Variants in GOLPH3L observed in about 807,000 individuals in gnomAD.
GOLPH3L encodes golgi phosphoprotein 3 like.
In GOLPH3L, 22 loss-of-function variants were observed where a neutral mutation model predicts 30.3. That is an observed-to-expected ratio of 0.73 (90% CI 0.52 to 1.04). The LOEUF is 1.04. Ranked by LOEUF, GOLPH3L falls within the 50% of genes least tolerant of loss-of-function variation. The pLI is 0.00. For missense variants in GOLPH3L, 303 were observed against 345.8 expected (o/e 0.88, Z 0.98); for synonymous variants, 120 against 128.2 (o/e 0.94, Z 0.43).
chr1:150,649,197 C>G (rs1313935488), intron 4 of GOLPH3L, among the ~76,000 whole-genome samples: 3 of 152,180 alleles, frequency 2.0e-5, no homozygotes, highest in Non-Finnish European at 4.4e-5. Context: ...TTCAATTGCT[C>G]CCATTCCAGC....
At chr1:150,650,503 G>T (rs1259584917) in intron 4 of GOLPH3L, among the ~76,000 whole-genome samples, 1 of 152,192 alleles carries the variant, frequency 6.6e-6, no homozygotes, top group Admixed American at 6.6e-5. Flanking sequence ...TAGGAACCCG[G>T]CTGCACAGCA....
chr1:150,694,812 A>G lies in GOLPH3L; in HGVS notation c.27T>C (p.Arg9=). The G allele has an allele frequency of 6.2e-7, 1 of 1,612,256 alleles. No homozygotes were observed. Among genetic ancestry groups the G allele is most frequent in the Non-Finnish European group, 8.5e-7 (1 of 1,179,158 alleles). Residue 9 remains arginine (R), a synonymous_variant, in exon 2 of 5, where the codon CGT becomes CGC. Transcript: ENST00000271732. ...CAGAGTTCTTGCTTATTTCAGTGCG[A>G]CGGGCCCGGTGAGTTAAAGTGGTCA... MTTLTHRA[R]RTEISKNSEK... is the part of the protein sequence containing the mutation.
At chr1:150,675,573 A>G (rs1650755817) in intron 2 of GOLPH3L, among the ~76,000 whole-genome samples, 1 of 151,866 alleles carries the variant, frequency 6.6e-6, no homozygotes, top group African/African-American at 2.4e-5. Flanking sequence ...TCAACAAAAT[A>G]TTACCAGCCT....
intron 3 of GOLPH3L, among the ~76,000 whole-genome samples, 200 bp from the exon 4 acceptor site, chr1:150,662,128 T>C (rs905117739): frequency 1.3e-5 from 2 of 152,052 alleles, no homozygotes; most frequent in Non-Finnish European, 2.9e-5. Flanking sequence ...AAGTGGGCCC[T>C]AGTGACAAAC....
intron 4 of GOLPH3L, among the ~76,000 whole-genome samples, chr1:150,657,858 T>TTGTATCATTAACTGAATAA: frequency 6.6e-6 from 1 of 152,320 alleles, no homozygotes; most frequent in East Asian, 1.9e-4. Flanking sequence ...CAACTGAATC[T>TTGTATCATTAACTGAATAA]AGCATCATTA....
intron 2 of GOLPH3L, among the ~76,000 whole-genome samples, chr1:150,678,174 C>T (rs1260144869): frequency 1.3e-5 from 2 of 149,530 alleles, no homozygotes; most frequent in African/African-American, 4.9e-5. Flanking sequence ...TGGCACATAC[C>T]TGTAATCCCA....
In GOLPH3L at chr1:150,694,699, G is replaced by T; in HGVS notation, c.140C>A (p.Thr47Asn). 1 of 1,610,838 alleles carries T rather than the reference G, an allele frequency of 6.2e-7. No individual in the cohort carries two copies. Among genetic ancestry groups the T allele is most frequent in the East Asian group, 2.2e-5 (1 of 44,834 alleles). The change falls in exon 2 of 5, where the codon ACT becomes AAT. Residue 47 changes from threonine (T) to asparagine (N), a missense_variant. By Grantham distance (65) the Thr-to-Asn change is moderately conservative. Transcript: ENST00000271732. ...DSGDSKDIRL[T>N]LMEEVLLLGL... ...CAGAAGCAATACTTCTTCCATAAGA[G>T]TAAGGCGGATATCCTTAGAGTCTCC...
chr1:150,653,349 G>T (rs1264203560), intron 4 of GOLPH3L, among the ~76,000 whole-genome samples: 2 of 146,632 alleles, frequency 1.4e-5, no homozygotes, highest in African/African-American at 5.0e-5. Context: ...TGGCTGGAGT[G>T]CAATGGCATG....
rs767040946 is a variant in GOLPH3L at position 150,694,715 on chromosome 1, TAG to T, written c.122_123del (p.Ser41Ter). 6.2e-7 allele frequency: 1 copy of T among 1,611,704 alleles called. No homozygotes were observed. The highest frequency in any genetic ancestry group is 8.5e-7 in the Non-Finnish European group (1 of 1,177,856). ...TCCATAAGAGTAAGGCGGATATCCT[TAG>T]AGTCTCCAGAATCTTCATTGTCTGG... ...KSPDNEDSGDSKDIRLTLMEE... is the reference protein window; with the variant it reads ...KSPDNEDSGDXKDIRLTLMEE... On this transcript the variant is annotated frameshift_variant, in exon 2 of 5. Transcript: ENST00000271732. LOFTEE classifies it high-confidence loss of function.
intron 2 of GOLPH3L, among the ~76,000 whole-genome samples, chr1:150,667,960 C>A (rs1650548374): frequency 1.3e-5 from 2 of 152,086 alleles, no homozygotes; most frequent in Non-Finnish European, 2.9e-5. Flanking sequence ...TGAAAAGAAC[C>A]AATATTCTTC....
Position 150,648,278 on chromosome 1 carries a change from G to A in GOLPH3L, c.*43C>T. On this transcript the variant is annotated 3_prime_UTR_variant, in exon 5 of 5. Transcript: ENST00000271732. ...AAACTCAGTGATGGGGTCTCTGACA[G>A]TCACCAGCCAGCAGGGGAAAAGGAG... 7.2e-7 allele frequency: 1 copy of A among 1,385,492 alleles called. No homozygotes were observed. Among genetic ancestry groups the A allele is most frequent in the African/African-American group, 1.4e-5 (1 of 69,572 alleles). The allele number at this position is 1,385,492 out of a possible 1,614,324, so 85.8% of individuals were successfully genotyped here.
intron 4 of GOLPH3L, among the ~76,000 whole-genome samples, chr1:150,654,442 G>A (rs1450221240): frequency 6.6e-6 from 1 of 151,922 alleles, no homozygotes; most frequent in Non-Finnish European, 1.5e-5. Context: ...AGGAGGCAGA[G>A]GTTGCAGCGA....
chr1:150,683,363 C>T (rs587682139), intron 2 of GOLPH3L, among the ~76,000 whole-genome samples: 2 of 151,902 alleles, frequency 1.3e-5, no homozygotes, highest in African/African-American at 4.8e-5. Flanking sequence ...GGTGAAACCC[C>T]GTCTCTACTA....
intron 2 of GOLPH3L, among the ~76,000 whole-genome samples, chr1:150,689,338 C>T (rs1032702807): frequency 5.9e-5 from 9 of 152,074 alleles, no homozygotes; most frequent in East Asian, 1.9e-4. Context: ...ACTTAAGAAA[C>T]GATTCTAATA....
chr1:150,668,056 C>T (rs1319797395), intron 2 of GOLPH3L, among the ~76,000 whole-genome samples: 1 of 152,204 alleles, frequency 6.6e-6, no homozygotes. Flanking sequence ...TACTTCTCCA[C>T]TCCACCCTCT....
At chr1:150,686,113 T>C (rs1460954502) in intron 2 of GOLPH3L, among the ~76,000 whole-genome samples, 1 of 131,170 alleles carries the variant, frequency 7.6e-6, no homozygotes, top group African/African-American at 2.7e-5. Context: ...AACCTCATGA[T>C]CTGCCTGCCT....
chr1:150,668,191 G>A (rs1650553552), intron 2 of GOLPH3L, among the ~76,000 whole-genome samples: 1 of 152,034 alleles, frequency 6.6e-6, no homozygotes, highest in Non-Finnish European at 1.5e-5. Flanking sequence ...TATCCCTTAT[G>A]CCGCAAAAAT....
intron 2 of GOLPH3L, among the ~76,000 whole-genome samples, chr1:150,692,553 T>G (rs1223978308): frequency 6.6e-6 from 1 of 152,156 alleles, no homozygotes; most frequent in Non-Finnish European, 1.5e-5. Flanking sequence ...GTCCAGCTAA[T>G]TTTTTTGTTT....
At chr1:150,664,514 C>T (rs587763838) in intron 2 of GOLPH3L, among the ~76,000 whole-genome samples, 37 of 152,076 alleles carry the variant, frequency 2.4e-4, no homozygotes, top group Admixed American at 3.9e-4. Context: ...AGTGCAGTGA[C>T]GTGATCTTGG....
Sources: allele counts gnomAD v4.1 joint callset (sites outside exome capture counted in the v4.1 genomes callset), GRCh38; gene constraint gnomAD v4.1.1; transcripts MANE v1.5; gene names NCBI Gene and HGNC (gene_info 2026-07-23, HGNC 2026-07-21).